Variants in DIP2B observed in about 807,000 individuals in gnomAD.
DIP2B encodes DIP2 acetate--CoA ligase B (putative).
DIP2B carries 76 observed loss-of-function variants against 198.0 expected under a neutral mutation model. That is an observed-to-expected ratio of 0.38 (90% CI 0.32 to 0.46). The LOEUF is 0.46. Among genes scored for constraint, DIP2B ranks in the 20% least tolerant of loss-of-function variants. The probability of loss-of-function intolerance (pLI) is 0.99; values close to 1 mark genes in which losing one functional copy is unlikely to be tolerated. For missense variants in DIP2B, 1,559 were observed against 1,978.4 expected (o/e 0.79, Z 4.02); for synonymous variants, 701 against 739.1 (o/e 0.95, Z 0.84).
At position 50,586,265 on chromosome 12, in the gene DIP2B, T is replaced by C. The variant is rs140727894; in HGVS notation, c.101-39711T>C. Among the ~76,000 whole-genome samples the C allele has an allele frequency of 1.8e-4, 28 of 152,268 alleles. 1 individual carries two copies. The East Asian group carries it at 2.9e-3, about 16-fold the overall frequency. ...AATAAGATTTGCATTTAAAAAGTGA[T>C]TTCAGCTAAAGTCCTGAGTAGAATG... On this transcript the variant is annotated intron_variant, in intron 1 of 37. Transcript: ENST00000301180.
intron 28 of DIP2B, among the ~76,000 whole-genome samples, chr12:50,726,977 G>C (rs778023690): frequency 4.6e-5 from 7 of 152,118 alleles, no homozygotes; most frequent in Non-Finnish European, 7.3e-5. Context: ...AATTAGCTAG[G>C]CATGGTGGCA....
chr12:50,692,915 T>C, intron 13 of DIP2B, 34 bp from the exon 14 acceptor site: 2 of 1,582,314 alleles, frequency 1.3e-6, no homozygotes, highest in Non-Finnish European at 1.7e-6. Context: ...ATACTAAAGA[T>C]GATTTCTTTG....
chr12:50,621,984 T>A (rs995311011), intron 1 of DIP2B, among the ~76,000 whole-genome samples: 2 of 152,210 alleles, frequency 1.3e-5, no homozygotes, highest in African/African-American at 4.8e-5. Context: ...TCTAACAGAT[T>A]GTCCCACGAT....
chr12:50,619,196 A>G (rs1012479756), intron 1 of DIP2B, among the ~76,000 whole-genome samples: 14 of 152,196 alleles, frequency 9.2e-5, no homozygotes, highest in African/African-American at 3.1e-4. Flanking sequence ...AAAGTTATAC[A>G]TATGACTTGA....
chr12:50,714,820 T>G (rs1939684721), intron 23 of DIP2B, among the ~76,000 whole-genome samples: 1 of 152,148 alleles, frequency 6.6e-6, no homozygotes. Flanking sequence ...GGTGCACACC[T>G]GTAGTCTCAG....
At chr12:50,570,656 G>C (rs1175597379) in intron 1 of DIP2B, among the ~76,000 whole-genome samples, 1 of 152,248 alleles carries the variant, frequency 6.6e-6, no homozygotes, top group Admixed American at 6.5e-5. Context: ...GTTACAATGA[G>C]CCGAGATCGC....
At chr12:50,647,256 C>T (rs1350642946) in intron 3 of DIP2B, among the ~76,000 whole-genome samples, 1 of 150,928 alleles carries the variant, frequency 6.6e-6, no homozygotes, top group Non-Finnish European at 1.5e-5. Flanking sequence ...CACCATGTTG[C>T]CTAAGCTGGA....
rs1363879310 is a variant in DIP2B at position 50,599,014 on chromosome 12, G to T, written c.101-26962G>T. On this transcript the variant is annotated intron_variant, in intron 1 of 37. Transcript: ENST00000301180. ...AAAAAAAAAAAAAACTCTTGGCTGGGCACAGTGGCTCAGGCCTGTAATCCC... is the reference window on the plus strand; with the variant it reads ...AAAAAAAAAAAAAACTCTTGGCTGGTCACAGTGGCTCAGGCCTGTAATCCC... Among the ~76,000 whole-genome samples, 4 of 144,776 alleles carry T rather than the reference G, an allele frequency of 2.8e-5. No individual in the cohort carries two copies. The Admixed American group carries it at 2.8e-4, about 10-fold the overall frequency. 95.0% of individuals were successfully genotyped at this position (144,776 alleles called of 152,430 possible).
intron 1 of DIP2B, among the ~76,000 whole-genome samples, chr12:50,561,415 C>T (rs935027151): frequency 2.6e-5 from 4 of 151,906 alleles, no homozygotes; most frequent in African/African-American, 7.3e-5. Context: ...TAGGTGATGG[C>T]TTTCACCTAG....
At chr12:50,742,394 CAAAAAAAAAAAA>C (rs59566626) in intron 37 of DIP2B, among the ~76,000 whole-genome samples, 11 of 47,496 alleles carry the variant, frequency 2.3e-4, no homozygotes, top group Admixed American at 1.6e-3. Flanking sequence ...GAGACTGTCT[CAAAAAAAAAAAA>C]AAAAAAAAAA....
At chr12:50,610,243 T>A (rs958796947) in intron 1 of DIP2B, among the ~76,000 whole-genome samples, 4 of 152,178 alleles carry the variant, frequency 2.6e-5, no homozygotes, top group African/African-American at 9.6e-5. Flanking sequence ...TGGTGATATT[T>A]GTTTGGGGAG....
At chr12:50,581,705 C>T (rs1958725687) in intron 1 of DIP2B, among the ~76,000 whole-genome samples, 1 of 133,992 alleles carries the variant, frequency 7.5e-6, no homozygotes, top group African/African-American at 2.8e-5. Flanking sequence ...GTGGAGTCAC[C>T]GGGCAGCACA....
rs1216724467 is a variant in DIP2B, at chr12:50,721,277, C to T, written c.3047C>T (p.Thr1016Ile). ...VLFMLLNAKG[T>I]TVCTASCLQL... ...TATCCTTTCTGTTGTTTAAAGGGAACCACTGTATGCACAGCCAGCTGCCTT... is the reference window on the plus strand; with the variant it reads ...TATCCTTTCTGTTGTTTAAAGGGAATCACTGTATGCACAGCCAGCTGCCTT... The change falls in exon 26 of 38, where the codon ACC (threonine) becomes ATC (isoleucine). Residue 1016 changes from threonine (T) to isoleucine (I), a missense_variant. Thr to Ile is a moderately conservative substitution (Grantham distance 89). Coordinates refer to ENST00000301180, the MANE Select transcript of DIP2B (RefSeq NM_173602.3). 2 of 1,613,812 alleles carry T rather than the reference C, an allele frequency of 1.2e-6. No individual in the cohort carries two copies. The highest frequency in any genetic ancestry group is 1.3e-5 in the African/African-American group (1 of 75,036).
At chr12:50,643,426 TGTGTGTGTG>T (rs1938295720) in intron 3 of DIP2B, among the ~76,000 whole-genome samples, 1 of 150,770 alleles carries the variant, frequency 6.6e-6, no homozygotes, top group African/African-American at 2.4e-5. Flanking sequence ...TGTGTGTGTG[TGTGTGTGTG>T]TGTGTGTGTG....
In DIP2B at chr12:50,604,649, G is replaced by T. The variant is rs543370019; in HGVS notation, c.101-21327G>T. On this transcript the variant is annotated intron_variant, in intron 1 of 37. Transcript: ENST00000301180. ...ATTTTTAAGTTTTTTGTAGAGTCAG[G>T]TTCTAGCTTTGTTGCCCAGGCTGGG... is the stretch of plus-strand genomic sequence containing the variant. Among the ~76,000 whole-genome samples, 6 of 152,260 alleles carry T rather than the reference G, an allele frequency of 3.9e-5. No homozygotes were observed. In the South Asian group the frequency reaches 1.2e-3, roughly 32 times the overall value.
At chr12:50,580,680 C>T (rs763211934) in intron 1 of DIP2B, among the ~76,000 whole-genome samples, 2 of 147,790 alleles carry the variant, frequency 1.4e-5, no homozygotes, top group Non-Finnish European at 3.0e-5. Context: ...AATTTTGCAC[C>T]CCTCAACCGT....
chr12:50,589,116 G>A (rs953641057), intron 1 of DIP2B, among the ~76,000 whole-genome samples: 10 of 151,812 alleles, frequency 6.6e-5, no homozygotes, highest in East Asian at 1.9e-4. Flanking sequence ...CCCAGGAGGC[G>A]GAGCTTGCAG....
intron 35 of DIP2B, 74 bp downstream of exon 35, chr12:50,737,184 G>A: frequency 7.2e-7 from 1 of 1,382,694 alleles, no homozygotes; most frequent in Non-Finnish European, 1.0e-6. Context: ...TTAGAAATCA[G>A]TAAAACTGTG....
chr12:50,581,615 G>T (rs1005066282), intron 1 of DIP2B, among the ~76,000 whole-genome samples: 1 of 144,598 alleles, frequency 6.9e-6, no homozygotes, highest in Non-Finnish European at 1.5e-5. Flanking sequence ...CCTCCATAGC[G>T]TCTACTTGCT....
Sources: gnomAD v4.1 joint callset for allele counts (sites outside exome capture counted in the v4.1 genomes callset) on GRCh38, gnomAD v4.1.1 for gene constraint, MANE v1.5 for transcripts, NCBI Gene and HGNC (gene_info 2026-07-23, HGNC 2026-07-21) for gene names.